POLR1C: variants seen among roughly 807,000 people sequenced by gnomAD.
POLR1C encodes DNA-directed RNA polymerases I and III subunit RPAC1.
POLR1C carries 42 observed loss-of-function variants against 38.3 expected under a neutral mutation model. That is an observed-to-expected ratio of 1.10 (90% confidence interval 0.86 to 1.42). POLR1C has a LOEUF of 1.42. Among genes scored for constraint, POLR1C ranks in the 40% most tolerant of loss-of-function variants. POLR1C has a pLI of 0.00. For synonymous variants in POLR1C, 163 were observed against 163.9 expected, an observed-to-expected ratio of 0.99 and a Z score of 0.04; for missense variants, 507 against 450.5, an observed-to-expected ratio of 1.13 and a Z score of -1.14.
chr6:43,542,512 C>A (rs148404554), intron 9 of POLR1C, among the ~76,000 whole-genome samples: 1 of 152,046 alleles, frequency 6.6e-6, no homozygotes, highest in Non-Finnish European at 1.5e-5. Context: ...CAAGTTCAAG[C>A]GATTCTCCTA....
At chr6:43,549,472 AG>A in intron 9 of POLR1C, 1 of 1,584,500 alleles carries the variant, frequency 6.3e-7, no homozygotes, top group African/African-American at 1.4e-5. Flanking sequence ...TACTTCAGCC[AG>A]GGTCCAGCAG....
rs573918420 is a variant in POLR1C at position 43,543,968 on chromosome 6, C to T, written c.*5-7000C>T. Among the ~76,000 whole-genome samples, 26 of 152,284 alleles carry T rather than the reference C, an allele frequency of 1.7e-4. 1 individual carries two copies. In the South Asian group the frequency reaches 4.6e-3, roughly 27 times the overall value. ...CTGGGATTATAGGCATGAGCTACCGCGCCCAGCCAATAAAATTTACTAAAA... is the reference window on the plus strand; with the variant it reads ...CTGGGATTATAGGCATGAGCTACCGTGCCCAGCCAATAAAATTTACTAAAA... On this transcript the variant is annotated intron_variant, in intron 9 of 10. Coordinates refer to the POLR1C transcript ENST00000607635.
intron 10 of POLR1C, chr6:43,558,675 T>A: frequency 9.7e-7 from 1 of 1,025,670 alleles, no homozygotes; most frequent in Non-Finnish European, 1.4e-6. Context: ...CAAGCACTTT[T>A]AATTTATTTA....
chr6:43,561,266 A>T, intron 10 of POLR1C: 1 of 398,028 alleles, frequency 2.5e-6, no homozygotes, highest in Non-Finnish European at 4.5e-6. Flanking sequence ...GTAAAATAAA[A>T]AACACTCATT....
downstream of POLR1C, chr6:43,533,955 A>G (rs1441335567): frequency 1.2e-6 from 2 of 1,607,532 alleles, no homozygotes; most frequent in East Asian, 2.2e-5. Flanking sequence ...GCCTTGGTGA[A>G]AGGCTCTGCC....
At chr6:43,556,020 GTACT>G (rs1762062932) in intron 10 of POLR1C, 1 of 1,590,072 alleles carries the variant, frequency 6.3e-7, no homozygotes, top group Non-Finnish European at 8.6e-7. Context: ...TATAAAATAA[GTACT>G]TAATGTTTAT....
intron 9 of POLR1C, among the ~76,000 whole-genome samples, chr6:43,535,874 G>A (rs998303918): frequency 9.4e-5 from 14 of 149,254 alleles, no homozygotes; most frequent in African/African-American, 3.2e-4. Flanking sequence ...TGTAATCCCA[G>A]CACTTAGGGA....
At chr6:43,553,631 A>G in intron 10 of POLR1C, 6 of 1,434,568 alleles carry the variant, frequency 4.2e-6, no homozygotes, top group Non-Finnish European at 5.5e-6. Flanking sequence ...TGATTGAAGG[A>G]GCAGGGTAAT....
At chr6:43,539,678 C>CT in intron 9 of POLR1C, 1 of 925,812 alleles carries the variant, frequency 1.1e-6, no homozygotes, top group Non-Finnish European at 1.6e-6. Flanking sequence ...TCCAGGCCCC[C>CT]CCACTGCACC....
At chr6:43,562,168 A>ACC in exon 11 of POLR1C, 1 of 1,137,744 alleles carries the variant, frequency 8.8e-7, no homozygotes, top group Non-Finnish European at 1.3e-6. Context: ...GACATTTGCA[A>ACC]CCCCTCATTG....
intron 9 of POLR1C, chr6:43,549,715 T>C (rs1048405476): frequency 8.2e-7 from 1 of 1,226,484 alleles, no homozygotes; most frequent in Non-Finnish European, 1.1e-6. Flanking sequence ...TGGAGTAACA[T>C]TTATAGCCAC....
chr6:43,539,742 C>A, intron 9 of POLR1C: 1 of 610,108 alleles, frequency 1.6e-6, no homozygotes, highest in Non-Finnish European at 2.9e-6. Flanking sequence ...TTTTTCTATT[C>A]TTGGGAATAG....
Position 43,528,274 on chromosome 6 carries a change from A to C in POLR1C, c.923-975A>C, listed in dbSNP as rs1793724595. ...ATTGGAACACATAATATCTAAAGTC[A>C]AGTCCACTTCATGATTAAAATTAGC... On this transcript the variant is annotated intron_variant, in intron 8 of 8. Coordinates refer to the POLR1C transcript ENST00000304004. The C allele has an allele frequency of 8.8e-6, 13 of 1,469,122 alleles. No individual in the cohort carries two copies. In the South Asian group the frequency reaches 1.6e-4, roughly 18 times the overall value. The allele number at this position is 1,469,122 out of a possible 1,614,324, so 91.0% of individuals were successfully genotyped here.
chr6:43,533,816 CAG>C (rs767292601), downstream of POLR1C: 24 of 937,468 alleles, frequency 2.6e-5, 1 homozygote, highest in Non-Finnish European at 3.8e-5. Flanking sequence ...GCCTGGGTGA[CAG>C]AGACTATGAC....
chr6:43,536,975 G>GT (rs1351736821), intron 9 of POLR1C, among the ~76,000 whole-genome samples: 1 of 151,486 alleles, frequency 6.6e-6, no homozygotes, highest in Non-Finnish European at 1.5e-5. Flanking sequence ...TTTGTTTTTT[G>GT]TTTTTTAAAG....
chr6:43,549,618 T>C (rs1051505099), intron 9 of POLR1C: 8 of 1,599,600 alleles, frequency 5.0e-6, no homozygotes, highest in Non-Finnish European at 6.8e-6. Flanking sequence ...CTGCTTTTAA[T>C]ATAATATACA....
intron 9 of POLR1C, among the ~76,000 whole-genome samples, chr6:43,543,592 T>C (rs1420879593): frequency 6.6e-6 from 1 of 151,852 alleles, no homozygotes; most frequent in African/African-American, 2.4e-5. Flanking sequence ...ATGTGTCCAC[T>C]TTGTGAAAAT....
Position 43,549,765 on chromosome 6 carries a change from CA to C in POLR1C, c.*5-1201del, listed in dbSNP as rs1795140037. 25 of 1,200,056 alleles carry C rather than the reference CA, an allele frequency of 2.1e-5. No individual in the cohort carries two copies. In the South Asian group the frequency reaches 3.1e-4, roughly 15 times the overall value. The allele number at this position is 1,200,056 out of a possible 1,614,324, so 74.3% of individuals were successfully genotyped here. On this transcript the variant is annotated intron_variant, in intron 9 of 10. Coordinates refer to the POLR1C transcript ENST00000607635. ...TCTTGTATGCCCTATAGTGGCAAAA[CA>C]ACATATATGATAATCTACCACCCTT...
At chr6:43,550,434 GA>G (rs1795173044) in intron 9 of POLR1C, among the ~76,000 whole-genome samples, 1 of 152,256 alleles carries the variant, frequency 6.6e-6, no homozygotes, top group Non-Finnish European at 1.5e-5. Flanking sequence ...CTGGTCTTGT[GA>G]CACAACATTT....
Sources: gnomAD v4.1 joint callset for allele counts (sites outside exome capture counted in the v4.1 genomes callset) on GRCh38, gnomAD v4.1.1 for gene constraint, MANE v1.5 for transcripts, NCBI Gene and HGNC (gene_info 2026-07-23, HGNC 2026-07-21) for gene names.